Variants in CNR2 observed in about 807,000 individuals in gnomAD.
CNR2 encodes the protein cannabinoid receptor 2 (macrophage).
For missense variants in CNR2, 379 were observed against 439.9 expected (o/e 0.86, Z 1.24); for synonymous variants, 172 against 182.2 (o/e 0.94, Z 0.45).
intron 1 of CNR2, among the ~76,000 whole-genome samples, chr1:23,886,632 T>C (rs569146186): frequency 6.6e-6 from 1 of 152,366 alleles, no homozygotes; most frequent in South Asian, 2.1e-4. Flanking sequence ...GGGGGATTCA[T>C]ATCACTATGT....
chr1:23,901,512 C>A (rs1276510050), intron 1 of CNR2: 1 of 1,596,888 alleles, frequency 6.3e-7, no homozygotes, highest in Non-Finnish European at 8.5e-7. Flanking sequence ...CCACCCTGGA[C>A]CCCAGTCCCG....
At position 23,910,580 on chromosome 1, in the gene CNR2, G is replaced by A. The variant is rs546216328; in HGVS notation, c.-46+2666C>T. On this transcript the variant is annotated intron_variant, in intron 1 of 1. Transcript: ENST00000374472. ...GAGGCAGGAGAATCGCTTGAACCCAGGAGGCAGAGGTTGCAATGAGCTGAG... is the reference window on the plus strand; with the variant it reads ...GAGGCAGGAGAATCGCTTGAACCCAAGAGGCAGAGGTTGCAATGAGCTGAG... 4.2e-5 allele frequency among the ~76,000 whole-genome samples: 6 copies of A among 144,392 alleles called. No individual in the cohort carries two copies. The East Asian group carries it at 1.2e-3, about 29-fold the overall frequency. 94.7% of individuals were successfully genotyped at this position (144,392 alleles called of 152,430 possible).
At chr1:23,888,476 C>T (rs757999744) in intron 1 of CNR2, among the ~76,000 whole-genome samples, 5 of 152,030 alleles carry the variant, frequency 3.3e-5, no homozygotes, top group African/African-American at 4.8e-5. Flanking sequence ...TCGGTCCTTT[C>T]GAGGCATATT....
At chr1:23,891,885 A>T (rs1030253379) in intron 1 of CNR2, among the ~76,000 whole-genome samples, 10 of 152,080 alleles carry the variant, frequency 6.6e-5, no homozygotes, top group African/African-American at 2.4e-4. Context: ...GCACAATGGT[A>T]TCCCCACAGT....
intron 1 of CNR2, among the ~76,000 whole-genome samples, chr1:23,911,564 A>T (rs1363335132): frequency 6.6e-6 from 1 of 152,178 alleles, no homozygotes; most frequent in East Asian, 1.9e-4. Context: ...CTCCTAGCCC[A>T]GTAGGATGAG....
intron 1 of CNR2, among the ~76,000 whole-genome samples, chr1:23,908,347 T>G (rs188694603): frequency 6.6e-6 from 1 of 152,172 alleles, no homozygotes; most frequent in Non-Finnish European, 1.5e-5. Flanking sequence ...CAGGCTAGAG[T>G]GCAGTAGCAC....
intron 1 of CNR2, among the ~76,000 whole-genome samples, chr1:23,891,555 G>A (rs1201440709): frequency 3.4e-5 from 5 of 145,634 alleles, no homozygotes; most frequent in African/African-American, 1.0e-4. Flanking sequence ...GGAGGCAGAG[G>A]TTGCAGTGAG....
At chr1:23,876,639 T>A (rs1639880489) in intron 1 of CNR2, among the ~76,000 whole-genome samples, 1 of 151,682 alleles carries the variant, frequency 6.6e-6, no homozygotes, top group Admixed American at 6.6e-5. Context: ...ATCGAGAACA[T>A]CCTGGTTAAC....
At chr1:23,881,821 G>T (rs1249120839) in intron 1 of CNR2, among the ~76,000 whole-genome samples, 1 of 150,418 alleles carries the variant, frequency 6.6e-6, no homozygotes, top group South Asian at 2.1e-4. Flanking sequence ...ACTTGGGAAG[G>T]CGGAGGTTTC....
chr1:23,884,626 G>A (rs867407438), intron 1 of CNR2, among the ~76,000 whole-genome samples: 4 of 150,726 alleles, frequency 2.7e-5, no homozygotes, highest in Non-Finnish European at 4.4e-5. Flanking sequence ...TTTAATCCCC[G>A]CAACTCTATG....
intron 1 of CNR2, among the ~76,000 whole-genome samples, chr1:23,896,454 T>C (rs1301355896): frequency 6.6e-6 from 1 of 152,226 alleles, no homozygotes; most frequent in Non-Finnish European, 1.5e-5. Flanking sequence ...CCTAATACAG[T>C]GCCTGCCACA....
Position 23,913,262 on chromosome 1 carries a change from G to A in CNR2, c.-62C>T. 1 of 154,722 alleles carries A rather than the reference G, an allele frequency of 6.5e-6. No homozygotes were observed. Among genetic ancestry groups the A allele is most frequent in the Non-Finnish European group, 1.4e-5 (1 of 69,490 alleles). The allele number at this position is 154,722 out of a possible 1,614,324, so 9.6% of individuals were successfully genotyped here. On this transcript the variant is annotated 5_prime_UTR_variant, in exon 1 of 2. Coordinates refer to ENST00000374472, the MANE Select transcript of CNR2 (RefSeq NM_001841.3). ...GCTACTCACGGTTGTGTTGTGGGTG[G>A]CTGGGCACTGGGAGCTGCCGGGGGC...
At chr1:23,890,258 CA>C (rs35692845) in intron 1 of CNR2, among the ~76,000 whole-genome samples, 17 of 75,020 alleles carry the variant, frequency 2.3e-4, no homozygotes, top group African/African-American at 8.5e-4. Flanking sequence ...GACCTTGTCT[CA>C]AAAAAAAAAA....
At chr1:23,890,398 G>A (rs547342947) in intron 1 of CNR2, among the ~76,000 whole-genome samples, 20 of 152,072 alleles carry the variant, frequency 1.3e-4, no homozygotes, top group Non-Finnish European at 2.6e-4. Flanking sequence ...TGCCACCACT[G>A]AGGACAAACC....
At chr1:23,909,944 G>C (rs1640556141) in intron 1 of CNR2, among the ~76,000 whole-genome samples, 1 of 151,470 alleles carries the variant, frequency 6.6e-6, no homozygotes, top group Admixed American at 6.6e-5. Context: ...CCAGTTATGG[G>C]ACTGTGGACA....
At chr1:23,894,773 AAAAG>A (rs961277994) in intron 1 of CNR2, among the ~76,000 whole-genome samples, 6 of 148,740 alleles carry the variant, frequency 4.0e-5, no homozygotes, top group African/African-American at 1.2e-4. Flanking sequence ...CTCAAAAAAA[AAAAG>A]AAAGAAAGAA....
At chr1:23,893,426 C>T (rs1640221848) in intron 1 of CNR2, among the ~76,000 whole-genome samples, 2 of 152,260 alleles carry the variant, frequency 1.3e-5, no homozygotes, top group African/African-American at 4.8e-5. Context: ...CTCAAACTCT[C>T]TGAGCTTCAG....
intron 1 of CNR2, among the ~76,000 whole-genome samples, chr1:23,891,158 G>C (rs146481491): frequency 0.015 from 2,318 of 152,130 alleles, 32 homozygotes; most frequent in Middle Eastern, 0.078. Flanking sequence ...GAGATTACAG[G>C]CGTGAGCCAC....
At chr1:23,911,218 T>G in intron 1 of CNR2, among the ~76,000 whole-genome samples, 1 of 151,480 alleles carries the variant, frequency 6.6e-6, no homozygotes, top group African/African-American at 2.4e-5. Flanking sequence ...AGAGGAGAGA[T>G]TGTCCTTGGC....
Sources: gnomAD v4.1 joint callset for allele counts (sites outside exome capture counted in the v4.1 genomes callset) on GRCh38, gnomAD v4.1.1 for gene constraint, MANE v1.5 for transcripts, NCBI Gene and HGNC (gene_info 2026-07-23, HGNC 2026-07-21) for gene names.